Variants in DEPDC5 observed in about 807,000 individuals in gnomAD.
DEPDC5 encodes GATOR1 complex protein DEPDC5.
Under a neutral mutation model 217.3 loss-of-function variants are expected in DEPDC5, and 73 were observed. The ratio of observed to expected loss-of-function variants is 0.34; its 90% CI spans 0.28 to 0.41. The LOEUF (loss-of-function observed/expected upper bound fraction) is 0.41, where lower values mean the gene tolerates loss of function less well. Among genes scored for constraint, DEPDC5 ranks in the 10% least tolerant of loss-of-function variants. The pLI, the probability that DEPDC5 is intolerant of heterozygous loss-of-function variation, is 1.00. For missense variants in DEPDC5, 1,675 were observed against 2,070.1 expected (o/e 0.81, Z 3.70); for synonymous variants, 733 against 756.7 (o/e 0.97, Z 0.51).
In DEPDC5 at chr22:31,870,682, C is replaced by G; in HGVS notation, c.3423C>G (p.Thr1141=). 1 of 1,603,294 alleles carries G rather than the reference C, an allele frequency of 6.2e-7. No homozygotes were observed. ...GQSMDRGNSQ[T]FGNSQNIGEQ... is the part of the protein sequence containing the mutation. ...CCATGGACAGAGGCAACAGCCAGAC[C>G]TTTGGGAACTCCCAGAACATAGGAG... The change falls in exon 34 of 43, where the codon ACC becomes ACG. Residue 1141 remains threonine (T), a synonymous_variant. Coordinates refer to ENST00000651528, the MANE Select transcript of DEPDC5 (RefSeq NM_001242896.3).
chr22:31,879,121 T>TATATATATACATATATATACAC (rs1452817050), intron 37 of DEPDC5, among the ~76,000 whole-genome samples: 6 of 95,738 alleles, frequency 6.3e-5, no homozygotes, highest in African/African-American at 4.2e-4. Flanking sequence ...TATATACACA[T>TATATATATACATATATATACAC]ATATATATAC....
chr22:31,896,114 C>T (rs1007353344), intron 39 of DEPDC5, among the ~76,000 whole-genome samples: 9 of 152,000 alleles, frequency 5.9e-5, no homozygotes, highest in Non-Finnish European at 1.0e-4. Context: ...AGGAATTTAG[C>T]AACTGTCTCT....
At chr22:31,824,618 A>T (rs1013137315) in intron 24 of DEPDC5, among the ~76,000 whole-genome samples, 1 of 152,086 alleles carries the variant, frequency 6.6e-6, no homozygotes, top group Non-Finnish European at 1.5e-5. Context: ...ATAGAAAGAC[A>T]CTGTGCCCCT....
intron 35 of DEPDC5, 68 bp from the exon 36 acceptor site, chr22:31,874,205 C>T: frequency 2.6e-6 from 4 of 1,548,186 alleles, no homozygotes; most frequent in Admixed American, 3.9e-5. Context: ...TCTTTTTCAT[C>T]TTTCCTTCCA....
chr22:31,847,757 C>T (rs911760308), intron 31 of DEPDC5, among the ~76,000 whole-genome samples: 7 of 152,164 alleles, frequency 4.6e-5, no homozygotes, highest in African/African-American at 1.7e-4. Flanking sequence ...ATCATTTCAC[C>T]CCTGGCCCCT....
intron 10 of DEPDC5, among the ~76,000 whole-genome samples, chr22:31,788,999 C>A (rs978699873): frequency 3.3e-5 from 5 of 152,138 alleles, no homozygotes; most frequent in Non-Finnish European, 7.3e-5. Flanking sequence ...CAGGTACAAG[C>A]GATTCTCGTC....
chr22:31,856,155 G>GCGCACACA (rs1226909374), intron 31 of DEPDC5, among the ~76,000 whole-genome samples: 1 of 140,570 alleles, frequency 7.1e-6, no homozygotes. Flanking sequence ...GGGCCAACGC[G>GCGCACACA]CACACACACA....
chr22:31,771,498 G>C (rs1339261723), intron 7 of DEPDC5, among the ~76,000 whole-genome samples: 3 of 151,994 alleles, frequency 2.0e-5, no homozygotes, highest in African/African-American at 7.2e-5. Context: ...GAGGCAGGCA[G>C]ATCACGAGAT....
intron 8 of DEPDC5, among the ~76,000 whole-genome samples, chr22:31,783,132 CTG>C (rs1299161735): frequency 6.6e-6 from 1 of 152,126 alleles, no homozygotes; most frequent in Non-Finnish European, 1.5e-5. Context: ...AATCAGCACT[CTG>C]TAAAATGGAA....
At chr22:31,810,692 C>T (rs775151295) in intron 20 of DEPDC5, 51 bp downstream of exon 20, 2 of 1,609,922 alleles carry the variant, frequency 1.2e-6, no homozygotes, top group Non-Finnish European at 1.7e-6. Flanking sequence ...TGTAGGAAAA[C>T]CTGAAGTTCA....
chr22:31,784,026 A>G, intron 9 of DEPDC5, 41 bp downstream of exon 9: 1 of 1,538,676 alleles, frequency 6.5e-7, no homozygotes, highest in Non-Finnish European at 8.8e-7. Flanking sequence ...TAAGGGGAGA[A>G]TTTTCTGGAA....
intron 33 of DEPDC5, among the ~76,000 whole-genome samples, chr22:31,869,939 C>T (rs2092795759): frequency 6.6e-6 from 1 of 152,156 alleles, no homozygotes; most frequent in Admixed American, 6.6e-5. Flanking sequence ...TTACAGCCCT[C>T]CCTGGCCAGA....
intron 38 of DEPDC5, among the ~76,000 whole-genome samples, chr22:31,888,861 C>T (rs748313898): frequency 6.6e-5 from 10 of 152,172 alleles, no homozygotes; most frequent in South Asian, 2.1e-4. Context: ...CTTTTCTTGA[C>T]GGCCCACTGG....
intron 7 of DEPDC5, among the ~76,000 whole-genome samples, chr22:31,774,971 G>T (rs183992015): frequency 6.6e-6 from 1 of 152,240 alleles, no homozygotes; most frequent in African/African-American, 2.4e-5. Context: ...GGTCAGGCTT[G>T]TGACACTTGT....
At position 31,815,130 on chromosome 22, in the gene DEPDC5, G is replaced by A; in HGVS notation, c.1584G>A (p.Lys528=). The A allele has an allele frequency of 6.2e-7, 1 of 1,614,208 alleles. No individual in the cohort carries two copies. Among genetic ancestry groups the A allele is most frequent in the East Asian group, 2.2e-5 (1 of 44,884 alleles). Residue 528 remains lysine (K), a synonymous_variant, in exon 21 of 43, where the codon AAG becomes AAA. Transcript: ENST00000651528. ...CTTCTGACGACAGCTCCCTAGGCAA[G>A]AGTGCCAACATCCTGATGATCCCAC... ...SQASDDSSLG[K]SANILMIPHP...
chr22:31,904,123 G>A (rs1286714026), intron 41 of DEPDC5, among the ~76,000 whole-genome samples: 1 of 148,400 alleles, frequency 6.7e-6, no homozygotes, highest in Non-Finnish European at 1.5e-5. Flanking sequence ...GTGACCTACA[G>A]CTCCTCCTTC....
At position 31,758,651 on chromosome 22, in the gene DEPDC5, T is replaced by C. The variant is rs2147992268; in HGVS notation, c.146+18T>C. ...GAATACAGGTGAGTGTCTCATAGGA[T>C]CCATGGAACTGGGCAATTCACTGTT... On this transcript the variant is annotated intron_variant, in intron 3 of 42. Coordinates refer to ENST00000651528, the MANE Select transcript of DEPDC5 (RefSeq NM_001242896.3). 5 of 1,607,762 alleles carry C rather than the reference T, an allele frequency of 3.1e-6. No individual in the cohort carries two copies. Among genetic ancestry groups the C allele is most frequent in the Non-Finnish European group, 4.3e-6 (5 of 1,174,320 alleles).
intron 7 of DEPDC5, among the ~76,000 whole-genome samples, chr22:31,774,344 C>T (rs2083624989): frequency 6.6e-6 from 1 of 151,650 alleles, no homozygotes; most frequent in South Asian, 2.1e-4. Flanking sequence ...GGATCACAGG[C>T]ACCCGCCACC....
At chr22:31,759,357 T>C (rs1191588116) in intron 3 of DEPDC5, among the ~76,000 whole-genome samples, 1 of 128,578 alleles carries the variant, frequency 7.8e-6, no homozygotes, top group Non-Finnish European at 1.7e-5. Flanking sequence ...ACCGAGCCGT[T>C]TTTTTTGTTT....
Sources: allele counts gnomAD v4.1 joint callset (sites outside exome capture counted in the v4.1 genomes callset), GRCh38; gene constraint gnomAD v4.1.1; transcripts MANE v1.5; gene names NCBI Gene and HGNC (gene_info 2026-07-23, HGNC 2026-07-21).